PSD: variants seen among roughly 807,000 people sequenced by gnomAD.
The protein encoded by PSD is PH and SEC7 domain-containing protein 1.
Under a neutral mutation model 91.6 loss-of-function variants are expected in PSD, and 32 were observed. The observed-to-expected ratio is 0.35, with a 90% CI of 0.26 to 0.47. The LOEUF is 0.47. Ranked by LOEUF, PSD falls within the 20% of genes least tolerant of loss-of-function variation. PSD has a pLI of 1.00. For synonymous variants in PSD, 532 were observed against 569.3 expected (o/e 0.93, Z 0.93); for missense variants, 1,099 against 1,373.9 (o/e 0.80, Z 3.16).
intron 3 of PSD, 85 bp downstream of exon 3, chr10:102,415,932 A>C: frequency 1.1e-6 from 1 of 948,644 alleles, no homozygotes; most frequent in Non-Finnish European, 1.6e-6. Flanking sequence ...GATTGGGGGA[A>C]GTTTGAAGGA....
At position 102,404,754 on chromosome 10, in the gene PSD, ACCTGGGCC is replaced by A; in HGVS notation, c.2556-35_2556-28del. The A allele has an allele frequency of 6.4e-7, 1 of 1,556,610 alleles. No individual in the cohort carries two copies. Among genetic ancestry groups the A allele is most frequent in the South Asian group, 1.2e-5 (1 of 81,646 alleles). On this transcript the variant is annotated intron_variant, in intron 14 of 16. Coordinates refer to ENST00000020673, the MANE Select transcript of PSD (RefSeq NM_002779.5). The surrounding 1 kb of genome is among the most constrained non-coding windows in gnomAD (Gnocchi z 5.7). ...TGGGGAGAAAGCACAGCCCTTTGGG[ACCTGGGCC>A]CAGGGTTTCTGTCCCAGGATGCCAG...
chr10:102,418,091 GCA>G (rs1482690628), intron 1 of PSD, among the ~76,000 whole-genome samples: 18 of 116,468 alleles, frequency 1.5e-4, no homozygotes, highest in African/African-American at 3.0e-4. Flanking sequence ...ACACACACAC[GCA>G]CACACATACA....
intron 1 of PSD, 119 bp downstream of exon 1, chr10:102,418,581 GC>G (rs1589897984): frequency 2.6e-6 from 1 of 385,264 alleles, no homozygotes; most frequent in East Asian, 7.8e-5. Flanking sequence ...GCCTCTGGTG[GC>G]AATGCAGGGG....
rs948960629 is a variant in PSD at position 102,414,519 on chromosome 10, C to T, written c.1125-322G>A. 6.6e-6 allele frequency among the ~76,000 whole-genome samples: 1 copy of T among 152,086 alleles called. No homozygotes were observed. The highest frequency in any genetic ancestry group is 1.5e-5 in the Non-Finnish European group (1 of 68,018). On this transcript the variant is annotated intron_variant, in intron 4 of 16. Transcript: ENST00000020673. This position sits in a 1 kb window ranked among gnomAD's most constrained non-coding sequence, Gnocchi z 5.6. ...TCTTAGGAGAAGATGAGGCTCCAAG[C>T]GACACTGGGGTGTGAGACGGAAAGG...
rs544269947 is a variant in PSD at position 102,415,803 on chromosome 10, C to A, written c.757+214G>T. 2.0e-5 allele frequency among the ~76,000 whole-genome samples: 3 copies of A among 152,360 alleles called. No homozygotes were observed. The East Asian group carries it at 5.8e-4, about 29-fold the overall frequency. ...CTCAATATCCTTCTGTCCCCTCCCT[C>A]CATTACTCAGCTTCCTCCAGGTGCC... On this transcript the variant is annotated intron_variant, in intron 3 of 16. Transcript: ENST00000020673.
Position 102,403,914 on chromosome 10 carries a change from G to A in PSD, c.2772C>T (p.Ala924=), listed in dbSNP as rs1442738800. Residue 924 remains alanine (A), a synonymous_variant, in exon 16 of 17, where the codon GCC becomes GCT. Transcript: ENST00000020673. This position sits in a 1 kb window ranked among gnomAD's most constrained non-coding sequence, Gnocchi z 6.7. ...TGCCCCGGCCCTTCTTGCCCAGCTG[G>A]GCGGCCCGGTGCTCCCGCAGCTCAC... ...MASELREHRA[A]QLGKKGRGKE... 1.3e-6 allele frequency: 2 copies of A among 1,598,392 alleles called. No homozygotes were observed. Among genetic ancestry groups the A allele is most frequent in the East Asian group, 2.3e-5 (1 of 44,302 alleles).
At position 102,410,583 on chromosome 10, in the gene PSD, G is replaced by GC. The variant is rs1372238742; in HGVS notation, c.2091+274dup. Among the ~76,000 whole-genome samples, 2 of 152,338 alleles carry GC rather than the reference G, an allele frequency of 1.3e-5. No homozygotes were observed. The highest frequency in any genetic ancestry group is 4.8e-5 in the African/African-American group (2 of 41,588). ...AGGGGAACTGAAGGCAAACGCAGGG[G>GC]CCGGGGCCGCCTGCTCGCGTTTTCC... On this transcript the variant is annotated intron_variant, in intron 10 of 16. Transcript: ENST00000020673. This position sits in a 1 kb window ranked among gnomAD's most constrained non-coding sequence, Gnocchi z 6.0.
rs2061329416 is a variant in PSD at position 102,404,166 on chromosome 10, G to A, written c.2701-181C>T. On this transcript the variant is annotated intron_variant, in intron 15 of 16. Coordinates refer to ENST00000020673, the MANE Select transcript of PSD (RefSeq NM_002779.5). This position sits in a 1 kb window ranked among gnomAD's most constrained non-coding sequence, Gnocchi z 5.7. Reference sequence around the variant, plus strand: ...GATCGAGACCATCCTGGCTAACACGGTGAAACCCCGTCTCTACTAAAAATA... The same window carrying A: ...GATCGAGACCATCCTGGCTAACACGATGAAACCCCGTCTCTACTAAAAATA... 6.6e-6 allele frequency among the ~76,000 whole-genome samples: 1 copy of A among 152,174 alleles called. No homozygotes were observed. The highest frequency in any genetic ancestry group is 1.5e-5 in the Non-Finnish European group (1 of 68,022).
Position 102,404,838 on chromosome 10 carries a change from AG to A in PSD, c.2555+59del. ...GGAATGAAAAAATCCAGGGACAGGG[AG>A]GGGAGCAGGATGGGAGGTGGGGGAA... is the stretch of plus-strand genomic sequence containing the variant. On this transcript the variant is annotated intron_variant, in intron 14 of 16. Transcript: ENST00000020673. The surrounding 1 kb of genome is among the most constrained non-coding windows in gnomAD (Gnocchi z 5.7). The A allele has an allele frequency of 6.4e-7, 1 of 1,552,586 alleles. No homozygotes were observed. The highest frequency in any genetic ancestry group is 8.8e-7 in the Non-Finnish European group (1 of 1,140,792).
intron 11 of PSD, among the ~76,000 whole-genome samples, 183 bp downstream of exon 11, chr10:102,407,040 T>TA (rs1157259086): frequency 1.3e-5 from 2 of 152,088 alleles, no homozygotes; most frequent in African/African-American, 4.8e-5. Context: ...AGAGACAAGA[T>TA]ACAGAACCCC....
In PSD at chr10:102,405,055, C is replaced by T; in HGVS notation, c.2398G>A (p.Glu800Lys). Residue 800 changes from glutamate (E) to lysine (K), a missense_variant and splice_region_variant, in exon 14 of 17, where the codon GAG (glutamate) becomes AAG (lysine). Glu to Lys is a moderately conservative substitution (Grantham distance 56). Around this residue, in one of 3 missense-constraint regions of PSD, gnomAD observed 358 missense variants for 426.5 expected, o/e 0.84. Transcript: ENST00000020673. This position sits in a 1 kb window ranked among gnomAD's most constrained non-coding sequence, Gnocchi z 5.4. ...AGGGCCTTCCCAGGCTTGTACTCCT[C>T]CTGCAGGGGTGTCCATCTTGTCCTG... ...LKGMILYLQKEEYKPGKALSE... is the reference protein window; with the variant it reads ...LKGMILYLQKKEYKPGKALSE... The T allele has an allele frequency of 6.2e-7, 1 of 1,613,782 alleles. No homozygotes were observed. The highest frequency in any genetic ancestry group is 1.1e-5 in the South Asian group (1 of 91,070).
Position 102,405,219 on chromosome 10 carries a change from G to C in PSD, c.2361C>G (p.His787Gln), listed in dbSNP as rs376607574. Residue 787 changes from histidine to glutamine, a missense_variant, in exon 13 of 17, where the codon CAC becomes CAG. His to Gln is a conservative substitution (Grantham distance 24). Transcript: ENST00000020673. This position sits in a 1 kb window ranked among gnomAD's most constrained non-coding sequence, Gnocchi z 5.4. ...AGAGGATCATGCCCTTGAGGATCCC[G>C]TGGAAGCTCTTCCAGCCCCGCTTGC... is the stretch of plus-strand genomic sequence containing the variant. ...PRGKRGWKSF[H>Q]GILKGMILYL... 1.2e-6 allele frequency: 2 copies of C among 1,610,936 alleles called. No homozygotes were observed. The highest frequency in any genetic ancestry group is 2.2e-5 in the South Asian group (2 of 91,078).
chr10:102,403,915 G>A lies in PSD; in HGVS notation c.2771C>T (p.Ala924Val). Residue 924 changes from alanine to valine, a missense_variant, in exon 16 of 17, where the codon GCC becomes GTC. Transcript: ENST00000020673. This position sits in a 1 kb window ranked among gnomAD's most constrained non-coding sequence, Gnocchi z 6.7. Reference sequence around the variant, plus strand: ...GCCCCGGCCCTTCTTGCCCAGCTGGGCGGCCCGGTGCTCCCGCAGCTCACT... The same window carrying A: ...GCCCCGGCCCTTCTTGCCCAGCTGGACGGCCCGGTGCTCCCGCAGCTCACT... ...MASELREHRAAQLGKKGRGKE... is the reference protein window; with the variant it reads ...MASELREHRAVQLGKKGRGKE... 1 of 1,596,552 alleles carries A rather than the reference G, an allele frequency of 6.3e-7. No homozygotes were observed. Among genetic ancestry groups the A allele is most frequent in the Non-Finnish European group, 8.5e-7 (1 of 1,171,598 alleles).
rs552653881 is a variant in PSD, at chr10:102,410,802, C to T, written c.2091+56G>A. On this transcript the variant is annotated intron_variant, in intron 10 of 16. Coordinates refer to ENST00000020673, the MANE Select transcript of PSD (RefSeq NM_002779.5). The surrounding 1 kb of genome is among the most constrained non-coding windows in gnomAD (Gnocchi z 6.0). ...TCCCTCCGACTCTGGACTCCGTCGC[C>T]GACTGGGTCCTCCATCCTTCCCCTC... 17 of 1,372,444 alleles carry T rather than the reference C, an allele frequency of 1.2e-5. No homozygotes were observed. Among genetic ancestry groups the T allele is most frequent in the Middle Eastern group, 4.9e-4 (2 of 4,118 alleles). The allele number at this position is 1,372,444 out of a possible 1,614,324, so 85.0% of individuals were successfully genotyped here. A position where few individuals can be genotyped will look rare whatever the true frequency, so the allele number is the denominator to read the frequency against.
At chr10:102,408,063 A>G (rs1348408099) in intron 10 of PSD, among the ~76,000 whole-genome samples, 1 of 152,160 alleles carries the variant, frequency 6.6e-6, no homozygotes, top group East Asian at 1.9e-4. Flanking sequence ...CAGGAGTGGC[A>G]TGGGGTCCCC....
chr10:102,408,416 C>T lies in PSD; in HGVS notation c.2092-1150G>A, dbSNP rs558724717. Among the ~76,000 whole-genome samples the T allele has an allele frequency of 3.9e-5, 6 of 152,334 alleles. No homozygotes were observed. In the East Asian group the frequency reaches 1.2e-3, roughly 29 times the overall value. On this transcript the variant is annotated intron_variant, in intron 10 of 16. Transcript: ENST00000020673. ...GGTGTACCCCACAGCCTCCAACCCC[C>T]ACTCCACCGCCCCCAGCACAACCAA... is the stretch of plus-strand genomic sequence containing the variant.
In PSD at chr10:102,403,216, C is replaced by G. The variant is rs370461111; in HGVS notation, c.3059G>C (p.Gly1020Ala). The change falls in exon 17 of 17, where the codon GGG becomes GCG. Residue 1020 changes from glycine to alanine, a missense_variant. Gly to Ala is a moderately conservative substitution (Grantham distance 60). Transcript: ENST00000020673. The surrounding 1 kb of genome is among the most constrained non-coding windows in gnomAD (Gnocchi z 6.7). The part of the protein sequence containing the change: ...SSEPRPGAGS[G>A]RRKP ...AACCTCATCTCAGGGCTTCCGCCGC[C>G]CACTGCCTGCCCCTGGCCGAGGCTC... 2.5e-6 allele frequency: 4 copies of G among 1,574,938 alleles called. No homozygotes were observed. The South Asian group carries it at 4.6e-5, about 18-fold the overall frequency.
At chr10:102,411,369 A>G (rs2061423430) in intron 8 of PSD, among the ~76,000 whole-genome samples, 1 of 152,016 alleles carries the variant, frequency 6.6e-6, no homozygotes, top group African/African-American at 2.4e-5. Context: ...CCTTGCCTCT[A>G]AGCCTGGACC....
In PSD at chr10:102,405,044, CT is replaced by C; in HGVS notation, c.2408del (p.Lys803SerfsTer64). On this transcript the variant is annotated frameshift_variant, in exon 14 of 17. Coordinates refer to ENST00000020673, the MANE Select transcript of PSD (RefSeq NM_002779.5). LOFTEE classifies it high-confidence loss of function. The surrounding 1 kb of genome is among the most constrained non-coding windows in gnomAD (Gnocchi z 5.4). ...CCGTCTCTGAAAGGGCCTTCCCAGG[CT>C]TGTACTCCTCCTGCAGGGGTGTCCA... The part of the protein sequence containing the change: ...MILYLQKEEY[K>X]PGKALSETEL... 2 of 1,614,000 alleles carry C rather than the reference CT, an allele frequency of 1.2e-6. No homozygotes were observed. Among genetic ancestry groups the C allele is most frequent in the Non-Finnish European group, 1.7e-6 (2 of 1,179,940 alleles).
Sources: gnomAD v4.1 joint callset for allele counts (sites outside exome capture counted in the v4.1 genomes callset) on GRCh38, gnomAD v4.1.1 for gene constraint, gnomAD v4.1.1 regional missense constraint, Gnocchi (gnomAD v3.1) non-coding constraint, MANE v1.5 for transcripts, NCBI Gene and HGNC (gene_info 2026-07-23, HGNC 2026-07-21) for gene names.